The following WNT7B variants were observed in gnomAD, a reference collection of about 807,000 sequenced individuals.
WNT7B encodes protein Wnt-7b.
In WNT7B, 19 loss-of-function variants were observed where a neutral mutation model predicts 38.2. The ratio of observed to expected loss-of-function variants is 0.50; its 90% CI spans 0.35 to 0.73. The LOEUF (loss-of-function observed/expected upper bound fraction) is 0.73. WNT7B is among the 30% of genes least tolerant of loss of function. The pLI, the probability that WNT7B is intolerant of heterozygous loss-of-function variation, is 0.01. For synonymous variants in WNT7B, 243 were observed against 209.3 expected, an observed-to-expected ratio of 1.16 and a Z score of -1.39; for missense variants, 423 against 507.9, an observed-to-expected ratio of 0.83 and a Z score of 1.61.
At chr22:45,961,279 C>A (rs1048499705) in intron 1 of WNT7B, among the ~76,000 whole-genome samples, 1 of 152,112 alleles carries the variant, frequency 6.6e-6, no homozygotes, top group Non-Finnish European at 1.5e-5. Flanking sequence ...TTCCGCCCGG[C>A]CACCCCAAGG....
chr22:45,960,355 C>G (rs1855585689), intron 1 of WNT7B, among the ~76,000 whole-genome samples: 1 of 152,218 alleles, frequency 6.6e-6, no homozygotes, highest in South Asian at 2.1e-4. Context: ...TGTGCTTGAC[C>G]TCTCAGGCTG....
chr22:45,951,329 G>A lies in WNT7B; in HGVS notation c.72-1183C>T, dbSNP rs971480096. 2.6e-5 allele frequency among the ~76,000 whole-genome samples: 4 copies of A among 151,596 alleles called. No individual in the cohort carries two copies. The highest frequency in any genetic ancestry group is 4.4e-5 in the Non-Finnish European group (3 of 67,984). ...TGACCTCAGGTCATCTGCCCGCCTCGGCCTCCCAAAATGCTGGGATTACAG... is the reference window on the plus strand; with the variant it reads ...TGACCTCAGGTCATCTGCCCGCCTCAGCCTCCCAAAATGCTGGGATTACAG... On this transcript the variant is annotated intron_variant, in intron 1 of 3. Coordinates refer to ENST00000339464, the MANE Select transcript of WNT7B (RefSeq NM_058238.3). This position sits in a 1 kb window ranked among gnomAD's most constrained non-coding sequence, Gnocchi z 4.8.
intron 2 of WNT7B, among the ~76,000 whole-genome samples, chr22:45,934,995 GCCCGTTACC>G (rs1308485714): frequency 1.4e-4 from 22 of 152,206 alleles, no homozygotes; most frequent in Admixed American, 1.3e-3. Flanking sequence ...ACGGGGGAGG[GCCCGTTACC>G]CCATGTTACA....
chr22:45,967,224 C>G (rs1364978003), intron 1 of WNT7B, among the ~76,000 whole-genome samples: 1 of 152,228 alleles, frequency 6.6e-6, no homozygotes, highest in Non-Finnish European at 1.5e-5. Flanking sequence ...ACACAATGAC[C>G]CTTTCATCAG....
intron 1 of WNT7B, chr22:45,954,558 G>T: frequency 1.0e-6 from 1 of 984,694 alleles, no homozygotes. Context: ...CTTATCCGGG[G>T]TATGTGGGGC....
intron 3 of WNT7B, among the ~76,000 whole-genome samples, chr22:45,924,605 AC>A (rs1931018530): frequency 6.6e-6 from 1 of 152,274 alleles, no homozygotes; most frequent in Admixed American, 6.5e-5. Context: ...TCTGGAGACC[AC>A]TGAGCATGAA....
intron 1 of WNT7B, among the ~76,000 whole-genome samples, chr22:45,953,225 C>G (rs1015863663): frequency 5.3e-5 from 3 of 56,604 alleles, no homozygotes; most frequent in Admixed American, 1.9e-4. Flanking sequence ...TCACCGTGTC[C>G]TCGGCTTCCC....
chr22:45,974,440 C>A (rs1932512025), intron 1 of WNT7B, among the ~76,000 whole-genome samples: 1 of 152,248 alleles, frequency 6.6e-6, no homozygotes, highest in Non-Finnish European at 1.5e-5. Flanking sequence ...CAGGGCCCTT[C>A]TCTCCATTCC....
chr22:45,936,583 C>T (rs111914842), intron 2 of WNT7B, among the ~76,000 whole-genome samples: 3,747 of 152,348 alleles, frequency 0.025, 67 homozygotes, highest in East Asian at 0.058. Context: ...CTCCCTTTTC[C>T]GTAAGTTATT....
At chr22:45,955,834 T>A (rs1175379124) in intron 1 of WNT7B, among the ~76,000 whole-genome samples, 2 of 152,148 alleles carry the variant, frequency 1.3e-5, no homozygotes, top group African/African-American at 4.8e-5. Context: ...CCAGGGACTG[T>A]GGACAAGGCC....
At chr22:45,964,734 G>A (rs1371080374) in intron 1 of WNT7B, among the ~76,000 whole-genome samples, 1 of 152,152 alleles carries the variant, frequency 6.6e-6, no homozygotes, top group African/African-American at 2.4e-5. Context: ...AGACCCACAA[G>A]TGGCCATCAG....
At chr22:45,969,591 T>C (rs1319511044) in intron 1 of WNT7B, among the ~76,000 whole-genome samples, 1 of 152,246 alleles carries the variant, frequency 6.6e-6, no homozygotes, top group African/African-American at 2.4e-5. Flanking sequence ...CTAGCACGGC[T>C]GCAAGTCAGC....
intron 2 of WNT7B, among the ~76,000 whole-genome samples, chr22:45,935,305 G>A (rs1339731579): frequency 6.6e-6 from 1 of 152,156 alleles, no homozygotes; most frequent in Non-Finnish European, 1.5e-5. Flanking sequence ...CAGTGCCTTG[G>A]CCTGGCCCCC....
chr22:45,928,613 G>A lies in WNT7B; in HGVS notation c.570+2485C>T, dbSNP rs190881046. On this transcript the variant is annotated intron_variant, in intron 3 of 3. Transcript: ENST00000339464. ...CCACCCGTGGGGACCATCACCAGCC[G>A]CCTTGTTTTCCCACCTCCTGTCTCC... Among the ~76,000 whole-genome samples, 210 of 98,264 alleles carry A rather than the reference G, an allele frequency of 2.1e-3. 2 individuals carry two copies. The highest frequency in any genetic ancestry group is 2.4e-3 in the Non-Finnish European group (111 of 45,320). 64.5% of individuals were successfully genotyped at this position (98,264 alleles called of 152,430 possible).
intron 2 of WNT7B, among the ~76,000 whole-genome samples, chr22:45,933,863 G>A (rs1931442543): frequency 6.6e-6 from 1 of 152,212 alleles, no homozygotes; most frequent in South Asian, 2.1e-4. Flanking sequence ...TGGCCACAGA[G>A]GAGGGGGAGA....
intron 2 of WNT7B, among the ~76,000 whole-genome samples, chr22:45,947,571 T>A (rs1004108930): frequency 1.3e-5 from 2 of 152,102 alleles, no homozygotes; most frequent in Admixed American, 6.5e-5. Flanking sequence ...CTGCGGCCAA[T>A]AGGGCAGAGC....
chr22:45,926,718 C>T, intron 3 of WNT7B: 2 of 985,390 alleles, frequency 2.0e-6, no homozygotes, highest in African/African-American at 3.5e-5. Flanking sequence ...GTGGCCCTGA[C>T]CTGTGAGCCC....
intron 2 of WNT7B, among the ~76,000 whole-genome samples, chr22:45,937,170 G>A (rs984900616): frequency 2.6e-5 from 4 of 152,204 alleles, no homozygotes; most frequent in African/African-American, 9.6e-5. Context: ...GAGGCCCAGA[G>A]GTGGGCAGCA....
intron 2 of WNT7B, among the ~76,000 whole-genome samples, chr22:45,944,219 G>A (rs939434293): frequency 1.3e-5 from 2 of 152,220 alleles, no homozygotes; most frequent in African/African-American, 2.4e-5. Flanking sequence ...CGCTGGGGAG[G>A]ATGGAAAATT....
Sources: allele counts gnomAD v4.1 joint callset (sites outside exome capture counted in the v4.1 genomes callset), GRCh38; gene constraint gnomAD v4.1.1; non-coding constraint Gnocchi (gnomAD v3.1); transcripts MANE v1.5; gene names NCBI Gene and HGNC (gene_info 2026-07-23, HGNC 2026-07-21).